Variants in KDM1B observed in about 807,000 individuals in gnomAD.
KDM1B encodes the protein lysine-specific histone demethylase 2.
KDM1B carries 63 observed loss-of-function variants against 107.4 expected under a neutral mutation model. The ratio of observed to expected loss-of-function variants is 0.59; its 90% CI spans 0.48 to 0.72. The LOEUF (loss-of-function observed/expected upper bound fraction) is 0.72, where lower values mean the gene tolerates loss of function less well. Ranked by LOEUF, KDM1B falls within the 30% of genes least tolerant of loss-of-function variation. KDM1B has a pLI of 0.00. For synonymous variants in KDM1B, 363 were observed against 363.9 expected (o/e 1.00, Z 0.03); for missense variants, 749 against 1,020.8 (o/e 0.73, Z 3.63).
chr6:18,208,712 T>G (rs1388480568), intron 17 of KDM1B, among the ~76,000 whole-genome samples: 1 of 129,290 alleles, frequency 7.7e-6, no homozygotes, highest in Non-Finnish European at 1.6e-5. Flanking sequence ...TGGCGCAAAC[T>G]CGGCTCACTG....
At position 18,221,910 on chromosome 6, in the gene KDM1B, C is replaced by A; in HGVS notation, c.2387C>A (p.Ala796Glu). ...IQGTVFFAGE[A>E]TNRHFPQTVT... ...AAATTATGTAATTATGTTTTACAGG[C>A]AACAAACAGGCATTTCCCACAAACT... The change falls in exon 22 of 22, where the codon GCA becomes GAA. Residue 796 changes from alanine (A) to glutamate (E), a missense_variant and splice_region_variant. Ala to Glu is a moderately radical substitution (Grantham distance 107). Coordinates refer to ENST00000650836, the MANE Select transcript of KDM1B (RefSeq NM_001364614.2). The A allele has an allele frequency of 6.3e-7, 1 of 1,599,004 alleles. No individual in the cohort carries two copies. Among genetic ancestry groups the A allele is most frequent in the Non-Finnish European group, 8.5e-7 (1 of 1,171,020 alleles).
intron 17 of KDM1B, among the ~76,000 whole-genome samples, chr6:18,208,628 T>TATATATATATATATA (rs1491350264): frequency 1.9e-3 from 30 of 16,216 alleles, no homozygotes; most frequent in South Asian, 6.4e-3. Context: ...TATATATATA[T>TATATATATATATATA]TTTTTTTTTT....
chr6:18,163,787 T>C (rs1242414057), intron 5 of KDM1B, among the ~76,000 whole-genome samples: 1 of 152,234 alleles, frequency 6.6e-6, no homozygotes, highest in Non-Finnish European at 1.5e-5. Flanking sequence ...GAGAATATAC[T>C]TTGTATGATT....
At chr6:18,183,441 G>A (rs12216012) in intron 7 of KDM1B, among the ~76,000 whole-genome samples, 12,120 of 151,484 alleles carry the variant, frequency 0.08, 658 homozygotes, top group Non-Finnish European at 0.11. Context: ...TGTATTTTTA[G>A]TAGAGACGGG....
chr6:18,181,350 A>G (rs1399765888), intron 7 of KDM1B, among the ~76,000 whole-genome samples: 1 of 152,200 alleles, frequency 6.6e-6, no homozygotes, highest in East Asian at 1.9e-4. Context: ...ATATAACATC[A>G]ATTTAAAATA....
At chr6:18,190,526 C>G (rs893717734) in intron 9 of KDM1B, among the ~76,000 whole-genome samples, 1 of 151,318 alleles carries the variant, frequency 6.6e-6, no homozygotes, top group African/African-American at 2.4e-5. Context: ...GGTGTGAACC[C>G]GGGAGGCGGA....
Position 18,179,863 on chromosome 6 carries a change from T to C in KDM1B, c.535-5909T>C, listed in dbSNP as rs1489208141. ...TGGTTTTTTTTCCTTTTTTTTTTTT[T>C]TTTTTTTTTTTTTTTCATAAGGCAG... On this transcript the variant is annotated intron_variant, in intron 7 of 21. Transcript: ENST00000650836. Among the ~76,000 whole-genome samples the C allele has an allele frequency of 2.0e-4, 26 of 133,162 alleles. 2 individuals carry two copies. The highest frequency in any genetic ancestry group is 8.0e-4 in the South Asian group (3 of 3,750). The allele number at this position is 133,162 out of a possible 152,430, so 87.4% of individuals were successfully genotyped here.
At position 18,209,646 on chromosome 6, in the gene KDM1B, C is replaced by T. The variant is rs920366389; in HGVS notation, c.1866+1440C>T. On this transcript the variant is annotated intron_variant, in intron 17 of 21. Transcript: ENST00000650836. The surrounding 1 kb of genome is among the most constrained non-coding windows in gnomAD (Gnocchi z 4.3). ...TCAGAGACAGGGTCTCAGTCTGTCG[C>T]CCAGGCTGGAGTGCAGTGGCACAGT... 6.6e-6 allele frequency among the ~76,000 whole-genome samples: 1 copy of T among 152,178 alleles called. No homozygotes were observed. Among genetic ancestry groups the T allele is most frequent in the Non-Finnish European group, 1.5e-5 (1 of 68,044 alleles).
chr6:18,211,106 TTATC>T lies in KDM1B; in HGVS notation c.1867-1378_1867-1375del, dbSNP rs1788822985. Among the ~76,000 whole-genome samples the T allele has an allele frequency of 6.6e-6, 1 of 152,182 alleles. No individual in the cohort carries two copies. Among genetic ancestry groups the T allele is most frequent in the African/African-American group, 2.4e-5 (1 of 41,402 alleles). ...CTCATTTTTTTTGGTTGCATGGTAA[TTATC>T]TATAAATAGATTATAAACTTCTTGA... On this transcript the variant is annotated intron_variant, in intron 17 of 21. Transcript: ENST00000650836. The surrounding 1 kb of genome is among the most constrained non-coding windows in gnomAD (Gnocchi z 5.2).
At chr6:18,202,369 C>T (rs1788094444) in intron 14 of KDM1B, among the ~76,000 whole-genome samples, 1 of 151,676 alleles carries the variant, frequency 6.6e-6, no homozygotes, top group Non-Finnish European at 1.5e-5. Flanking sequence ...CACTGCACTC[C>T]AGCCTGGGCA....
At chr6:18,190,491 A>G (rs1279468154) in intron 9 of KDM1B, among the ~76,000 whole-genome samples, 2 of 150,822 alleles carry the variant, frequency 1.3e-5, no homozygotes, top group Non-Finnish European at 2.9e-5. Context: ...AGTCCCAGCT[A>G]CTCGGGAGGC....
At chr6:18,210,342 CTTTTTTT>C (rs533016543) in intron 17 of KDM1B, among the ~76,000 whole-genome samples, 4 of 70,008 alleles carry the variant, frequency 5.7e-5, no homozygotes, top group East Asian at 4.2e-4. Flanking sequence ...TCTTTCTTTT[CTTTTTTT>C]TTTTTTTTTT....
chr6:18,163,982 T>C (rs1487117189), intron 5 of KDM1B, among the ~76,000 whole-genome samples: 2 of 152,144 alleles, frequency 1.3e-5, no homozygotes, highest in South Asian at 2.1e-4. Context: ...TACACACACA[T>C]ACATACATCT....
Position 18,205,866 on chromosome 6 carries a change from C to T in KDM1B, c.1659+202C>T, listed in dbSNP as rs912002306. ...AATTAGCCAGGCCTGGTGGCGCATA[C>T]CTGTAGTCCCAGCTACTCGGGAGGC... On this transcript the variant is annotated intron_variant, in intron 15 of 21. Transcript: ENST00000650836. The surrounding 1 kb of genome is among the most constrained non-coding windows in gnomAD (Gnocchi z 5.7). Among the ~76,000 whole-genome samples the T allele has an allele frequency of 3.3e-5, 5 of 152,090 alleles. No individual in the cohort carries two copies. Among genetic ancestry groups the T allele is most frequent in the African/African-American group, 9.7e-5 (4 of 41,418 alleles).
At position 18,222,227 on chromosome 6, in the gene KDM1B, GTC is replaced by G. The variant is rs1789812478; in HGVS notation, c.*237_*238del. Reference sequence around the variant, plus strand: ...TCCATAGGTTCAACTACTGCTGAAAGTCTGGATTTCAGAATAAAGCAGAATGT... The same window carrying G: ...TCCATAGGTTCAACTACTGCTGAAAGTGGATTTCAGAATAAAGCAGAATGT... On this transcript the variant is annotated 3_prime_UTR_variant, in exon 22 of 22. Transcript: ENST00000650836. The G allele has an allele frequency of 3.2e-6, 2 of 628,316 alleles. No homozygotes were observed. Among genetic ancestry groups the G allele is most frequent in the Non-Finnish European group, 5.9e-6 (2 of 338,794 alleles). 38.9% of individuals were successfully genotyped at this position (628,316 alleles called of 1,614,324 possible). A position where few individuals can be genotyped will look rare whatever the true frequency, so the allele number is the denominator to read the frequency against.
chr6:18,210,497 A>G (rs1788787713), intron 17 of KDM1B, among the ~76,000 whole-genome samples: 1 of 151,354 alleles, frequency 6.6e-6, no homozygotes, highest in South Asian at 2.1e-4. Flanking sequence ...AACTGGGACC[A>G]CAAGCACATG....
rs761304965 is a variant in KDM1B at position 18,213,675 on chromosome 6, A to G, written c.2003A>G (p.Tyr668Cys). The G allele has an allele frequency of 1.9e-6, 3 of 1,614,080 alleles. No homozygotes were observed. The highest frequency in any genetic ancestry group is 1.7e-6 in the Non-Finnish European group (2 of 1,180,006). ...TTGCAGATTGCCTTGCAATTTCCGT[A>G]TAGATTTTGGGACAGTAAAGTACAA... ...IIEKIALQFP[Y>C]RFWDSKVQGA... The change falls in exon 19 of 22, where the codon TAT (tyrosine) becomes TGT (cysteine). Residue 668 changes from tyrosine (Y) to cysteine (C), a missense_variant. By Grantham distance (194) the Tyr-to-Cys change is radical (BLOSUM62 -2). Transcript: ENST00000650836. The surrounding 1 kb of genome is among the most constrained non-coding windows in gnomAD (Gnocchi z 5.9).
At chr6:18,185,300 C>G (rs1354030922) in intron 7 of KDM1B, among the ~76,000 whole-genome samples, 2 of 151,104 alleles carry the variant, frequency 1.3e-5, no homozygotes, top group Non-Finnish European at 2.9e-5. Flanking sequence ...TCCCCACACT[C>G]TCACTTTTTT....
chr6:18,158,206 A>G (rs563487072), intron 2 of KDM1B, among the ~76,000 whole-genome samples: 5 of 151,924 alleles, frequency 3.3e-5, no homozygotes, highest in African/African-American at 1.2e-4. Flanking sequence ...TTAAAGAACT[A>G]TAGTGCATTT....
Sources: allele counts gnomAD v4.1 joint callset (sites outside exome capture counted in the v4.1 genomes callset), GRCh38; gene constraint gnomAD v4.1.1; non-coding constraint Gnocchi (gnomAD v3.1); transcripts MANE v1.5; gene names NCBI Gene and HGNC (gene_info 2026-07-23, HGNC 2026-07-21).